Variants in CFAP45 observed in about 807,000 individuals in gnomAD.
The protein encoded by CFAP45 is cilia and flagella associated protein 45, also known as cilia- and flagella-associated protein 45.
A neutral mutation model predicts 75.6 loss-of-function variants in CFAP45; 43 were observed. That is an observed-to-expected ratio of 0.57 (90% CI 0.45 to 0.73). The LOEUF is 0.73. Among genes scored for constraint, CFAP45 ranks in the 30% least tolerant of loss-of-function variants. The pLI, the probability that CFAP45 is intolerant of heterozygous loss-of-function variation, is 0.00. For synonymous variants in CFAP45, 223 were observed against 244.6 expected, an observed-to-expected ratio of 0.91 and a Z score of 0.82; for missense variants, 689 against 701.5, an observed-to-expected ratio of 0.98 and a Z score of 0.20.
intron 1 of CFAP45, among the ~76,000 whole-genome samples, chr1:159,896,769 G>A (rs546141303): frequency 1.1e-4 from 17 of 152,270 alleles, no homozygotes; most frequent in Admixed American, 1.3e-4. Context: ...TGATATTTTC[G>A]TCTTGGTGAC....
chr1:159,894,062 C>T (rs1335935546), intron 1 of CFAP45, among the ~76,000 whole-genome samples: 1 of 152,118 alleles, frequency 6.6e-6, no homozygotes, highest in African/African-American at 2.4e-5. Flanking sequence ...AATGTATATA[C>T]ATGTATCAAA....
intron 3 of CFAP45, among the ~76,000 whole-genome samples, chr1:159,890,119 G>A (rs1348122404): frequency 3.9e-5 from 6 of 152,198 alleles, no homozygotes; most frequent in African/African-American, 1.4e-4. Flanking sequence ...GCAGCCGAAA[G>A]GAAGTGACTC....
At chr1:159,878,586 A>C (rs1010409848) in intron 8 of CFAP45, among the ~76,000 whole-genome samples, 1 of 151,222 alleles carries the variant, frequency 6.6e-6, no homozygotes, top group Non-Finnish European at 1.5e-5. Context: ...AACAGTGTCT[A>C]TACTAAAAAT....
chr1:159,890,737 T>G, intron 2 of CFAP45, 115 bp from the exon 3 acceptor site: 1 of 762,094 alleles, frequency 1.3e-6, no homozygotes, highest in Non-Finnish European at 2.1e-6. Context: ...GCTGGATGTG[T>G]ACCGACCAGC....
At chr1:159,877,903 T>TAAATA (rs1649442133) in intron 8 of CFAP45, among the ~76,000 whole-genome samples, 2 of 151,702 alleles carry the variant, frequency 1.3e-5, no homozygotes, top group South Asian at 4.2e-4. Flanking sequence ...AATAAATAAA[T>TAAATA]AAGGTAAAAT....
intron 5 of CFAP45, 63 bp downstream of exon 5, chr1:159,887,778 A>G: frequency 1.3e-6 from 2 of 1,481,858 alleles, no homozygotes; most frequent in African/African-American, 1.4e-5. Context: ...CAGTGCGGGA[A>G]TAAGGGGAGG....
At chr1:159,878,753 T>TAAAAAAAAAAAAGAAAAA in intron 8 of CFAP45, among the ~76,000 whole-genome samples, 1 of 32,496 alleles carries the variant, frequency 3.1e-5, no homozygotes, top group Non-Finnish European at 5.8e-5. Flanking sequence ...AGACTACATC[T>TAAAAAAAAAAAAGAAAAA]AAAAAAAAAA....
At chr1:159,890,756 T>G in intron 2 of CFAP45, 134 bp from the exon 3 acceptor site, 1 of 545,614 alleles carries the variant, frequency 1.8e-6, no homozygotes, top group Non-Finnish European at 2.9e-6. Flanking sequence ...GCTTTTCTTT[T>G]CTTTTTTTTT....
Position 159,884,431 on chromosome 1 carries a change from G to A in CFAP45, c.897+5C>T, listed in dbSNP as rs374481152. 1.7e-4 allele frequency: 272 copies of A among 1,603,636 alleles called. No individual in the cohort carries two copies. Among genetic ancestry groups the A allele is most frequent in the Non-Finnish European group, 2.0e-4 (239 of 1,174,622 alleles). On this transcript the variant is annotated splice_donor_5th_base_variant and intron_variant, in intron 7 of 11. Transcript: ENST00000368099. ...AAACGTGGCATTGTCTGTCTGGCCTGTTACCTTTAGATCTTCCTCTTGGAG... is the reference window on the plus strand; with the variant it reads ...AAACGTGGCATTGTCTGTCTGGCCTATTACCTTTAGATCTTCCTCTTGGAG...
At chr1:159,878,384 C>T (rs1470178843) in intron 8 of CFAP45, among the ~76,000 whole-genome samples, 3 of 152,134 alleles carry the variant, frequency 2.0e-5, no homozygotes, top group Non-Finnish European at 4.4e-5. Flanking sequence ...AAAAGCTTCC[C>T]AAGCCCGCTT....
chr1:159,872,925 G>C lies in CFAP45; in HGVS notation c.1577+19C>G, dbSNP rs1649313903. On this transcript the variant is annotated intron_variant, in intron 11 of 11. Transcript: ENST00000368099. ...GCGGGAGGGAAGAGGATTTGGGAAA[G>C]GAGGAGATTCCAGCGCACCTCAGCT... The C allele has an allele frequency of 1.9e-6, 3 of 1,607,570 alleles. No individual in the cohort carries two copies. Among genetic ancestry groups the C allele is most frequent in the South Asian group, 2.2e-5 (2 of 90,948 alleles).
intron 8 of CFAP45, 147 bp from the exon 9 acceptor site, chr1:159,877,609 G>A (rs1649434316): frequency 3.0e-6 from 2 of 669,654 alleles, no homozygotes; most frequent in South Asian, 3.4e-5. Context: ...AGGTGCCGTG[G>A]CTCATGCCTA....
At position 159,899,278 on chromosome 1, in the gene CFAP45, C is replaced by T. The variant is rs560938843; in HGVS notation, c.3+818G>A. On this transcript the variant is annotated intron_variant, in intron 1 of 11. Transcript: ENST00000368099. ...AAACCTGAGACCCTCCTCACTCACTCACTCATTTATTCATTCATTCATTCA... is the reference window on the plus strand; with the variant it reads ...AAACCTGAGACCCTCCTCACTCACTTACTCATTTATTCATTCATTCATTCA... 3.9e-5 allele frequency among the ~76,000 whole-genome samples: 6 copies of T among 152,294 alleles called. No individual in the cohort carries two copies. The South Asian group carries it at 1.2e-3, about 32-fold the overall frequency.
intron 10 of CFAP45, among the ~76,000 whole-genome samples, chr1:159,874,284 G>T (rs1031753902): frequency 6.6e-6 from 1 of 152,040 alleles, no homozygotes; most frequent in Non-Finnish European, 1.5e-5. Context: ...CCCAACAAAA[G>T]GTACCTACAA....
chr1:159,876,958 T>C (rs1649419241), intron 9 of CFAP45, among the ~76,000 whole-genome samples: 1 of 152,204 alleles, frequency 6.6e-6, no homozygotes, highest in African/African-American at 2.4e-5. Flanking sequence ...GGTCATCTTG[T>C]CCTTCCAACC....
At chr1:159,887,111 T>C (rs951469780) in intron 5 of CFAP45, among the ~76,000 whole-genome samples, 10 of 152,284 alleles carry the variant, frequency 6.6e-5, no homozygotes, top group East Asian at 5.8e-4. Context: ...CCCCTTGTTC[T>C]CCTCAGGGGA....
Position 159,884,525 on chromosome 1 carries a change from C to T in CFAP45, c.808G>A (p.Glu270Lys), listed in dbSNP as rs745600197. The T allele has an allele frequency of 5.0e-6, 8 of 1,613,768 alleles. No individual in the cohort carries two copies. The highest frequency in any genetic ancestry group is 6.8e-6 in the Non-Finnish European group (8 of 1,179,944). Reference protein sequence around the residue: ...QIVEQMEKNQEERSLLAEQRE... With the variant: ...QIVEQMEKNQKERSLLAEQRE... Reference sequence around the variant, plus strand: ...TGCTCAGCAAGCAGCGATCGCTCCTCCTGGTTCTTTTCCATCTGTTCCACA... The same window carrying T: ...TGCTCAGCAAGCAGCGATCGCTCCTTCTGGTTCTTTTCCATCTGTTCCACA... Residue 270 changes from glutamate (E) to lysine (K), a missense_variant, in exon 7 of 12, where the codon GAG (glutamate) becomes AAG (lysine). Transcript: ENST00000368099.
In CFAP45 at chr1:159,888,419, T is replaced by C. The variant is rs372597365; in HGVS notation, c.350A>G (p.His117Arg). ...CTCAAGTTCTTCTCTGGTCAGGACA[T>C]GGGATGCCCATTTGATTCGCTCAAA... ...EEFERIKWASHVLTREELEAR... is the reference protein window; with the variant it reads ...EEFERIKWASRVLTREELEAR... Residue 117 changes from histidine to arginine, a missense_variant, in exon 4 of 12, where the codon CAT becomes CGT. Coordinates refer to ENST00000368099, the MANE Select transcript of CFAP45 (RefSeq NM_012337.3). 7 of 1,608,994 alleles carry C rather than the reference T, an allele frequency of 4.4e-6. No individual in the cohort carries two copies. The highest frequency in any genetic ancestry group is 1.7e-4 in the Middle Eastern group (1 of 6,058).
At chr1:159,883,979 G>A (rs1054192019) in intron 7 of CFAP45, among the ~76,000 whole-genome samples, 1 of 152,140 alleles carries the variant, frequency 6.6e-6, no homozygotes, top group Non-Finnish European at 1.5e-5. Flanking sequence ...GGAAGAAAAG[G>A]TTTGGCTTCA....
Sources: gnomAD v4.1 joint callset for allele counts (sites outside exome capture counted in the v4.1 genomes callset) on GRCh38, gnomAD v4.1.1 for gene constraint, MANE v1.5 for transcripts, NCBI Gene and HGNC (gene_info 2026-07-23, HGNC 2026-07-21) for gene names.